THSD7A: variants seen among roughly 807,000 people sequenced by gnomAD.
THSD7A encodes the protein thrombospondin type-1 domain-containing protein 7A.
THSD7A carries 96 observed loss-of-function variants against 231.3 expected under a neutral mutation model. That is an observed-to-expected ratio of 0.41 (90% CI 0.35 to 0.49). THSD7A has a LOEUF of 0.49. Among genes scored for constraint, THSD7A ranks in the 20% least tolerant of loss-of-function variants. THSD7A has a pLI of 0.05. For missense variants in THSD7A, 2,290 were observed against 2,070.2 expected (o/e 1.11, Z -2.06); for synonymous variants, 940 against 743.3 (o/e 1.26, Z -4.30).
chr7:11,460,700 C>T lies in THSD7A; in HGVS notation c.2567G>A (p.Gly856Glu). 1 of 1,612,146 alleles carries T rather than the reference C, an allele frequency of 6.2e-7. No homozygotes were observed. Among genetic ancestry groups the T allele is most frequent in the Non-Finnish European group, 8.5e-7 (1 of 1,179,206 alleles). The change falls in exon 11 of 28, where the codon GGA becomes GAA. Residue 856 changes from glycine (G) to glutamate (E), a missense_variant. Transcript: ENST00000423059. ...CCCAGGCCCACAGCCTTCCTGTGCT[C>T]CAGGGCTGTCTTGTTGCACGCTCCA... The part of the protein sequence containing the change: ...VPWSVQQDSP[G>E]AQEGCGPGRQ...
chr7:11,537,784 T>C (rs1788974145), intron 6 of THSD7A, among the ~76,000 whole-genome samples: 1 of 152,200 alleles, frequency 6.6e-6, no homozygotes, highest in African/African-American at 2.4e-5. Context: ...AAGCCAGTTC[T>C]TTTGATACTT....
chr7:11,718,205 A>C (rs556345593), intron 1 of THSD7A, among the ~76,000 whole-genome samples: 1 of 151,550 alleles, frequency 6.6e-6, no homozygotes, highest in South Asian at 2.1e-4. Context: ...AGAACTAAAA[A>C]CCTCTTGTTT....
At chr7:11,790,039 T>A (rs1200590112) in intron 1 of THSD7A, among the ~76,000 whole-genome samples, 3 of 151,314 alleles carry the variant, frequency 2.0e-5, no homozygotes, top group African/African-American at 7.4e-5. Flanking sequence ...ATATATTTAT[T>A]TCAATATTTA....
intron 6 of THSD7A, among the ~76,000 whole-genome samples, chr7:11,501,806 G>A (rs1442289259): frequency 6.6e-6 from 1 of 151,992 alleles, no homozygotes; most frequent in Non-Finnish European, 1.5e-5. Flanking sequence ...AGGAAATTAA[G>A]ACACAAAAAA....
intron 4 of THSD7A, among the ~76,000 whole-genome samples, chr7:11,548,211 TCA>T (rs1385290985): frequency 6.6e-6 from 1 of 152,008 alleles, no homozygotes; most frequent in African/African-American, 2.4e-5. Flanking sequence ...CAAAATACCC[TCA>T]GAGACTATTA....
intron 13 of THSD7A, among the ~76,000 whole-genome samples, chr7:11,435,072 AT>A (rs1401981333): frequency 6.6e-6 from 1 of 152,050 alleles, no homozygotes; most frequent in Non-Finnish European, 1.5e-5. Flanking sequence ...CTAAGTATTT[AT>A]AAATTTTCAC....
intron 2 of THSD7A, among the ~76,000 whole-genome samples, chr7:11,627,906 T>A (rs143776727): frequency 2.2e-4 from 33 of 152,104 alleles, no homozygotes; most frequent in African/African-American, 6.5e-4. Flanking sequence ...TTATTTTTTA[T>A]ATAAAAAATA....
chr7:11,421,654 A>G (rs143187874), intron 16 of THSD7A, among the ~76,000 whole-genome samples: 203 of 152,340 alleles, frequency 1.3e-3, no homozygotes, highest in African/African-American at 4.6e-3. Context: ...ATAACAGACT[A>G]TATTTATTAA....
chr7:11,756,455 G>A (rs145766498), intron 1 of THSD7A, among the ~76,000 whole-genome samples: 1 of 152,016 alleles, frequency 6.6e-6, no homozygotes, highest in South Asian at 2.1e-4. Flanking sequence ...AGTGGGGAGA[G>A]AAATTCTCTG....
In THSD7A at chr7:11,474,406, G is replaced by A; in HGVS notation, c.2180C>T (p.Ser727Phe). The A allele has an allele frequency of 1.2e-6, 2 of 1,613,620 alleles. No homozygotes were observed. The highest frequency in any genetic ancestry group is 1.7e-6 in the Non-Finnish European group (2 of 1,179,626). Residue 727 changes from serine (S) to phenylalanine (F), a missense_variant, in exon 8 of 28, where the codon TCC becomes TTC. Physicochemically the swap from Ser to Phe is radical, Grantham distance 155. Coordinates refer to ENST00000423059, the MANE Select transcript of THSD7A (RefSeq NM_015204.3). The surrounding 1 kb of genome is among the most constrained non-coding windows in gnomAD (Gnocchi z 4.1). ...NTTTTWNGEASCSVGMQTRKV... is the reference protein window; with the variant it reads ...NTTTTWNGEAFCSVGMQTRKV... ...TCTTGTCTGCATGCCGACAGAGCAGGAGGCCTCCCCATTCCAAGTCGTAGT... is the reference window on the plus strand; with the variant it reads ...TCTTGTCTGCATGCCGACAGAGCAGAAGGCCTCCCCATTCCAAGTCGTAGT...
intron 13 of THSD7A, 81 bp downstream of exon 13, chr7:11,445,980 T>G (rs912923183): frequency 8.5e-6 from 13 of 1,538,056 alleles, no homozygotes; most frequent in Admixed American, 6.8e-5. Context: ...AAACCTTCAC[T>G]TCCATTCCAC....
chr7:11,485,346 C>T (rs1583830293), intron 6 of THSD7A, among the ~76,000 whole-genome samples: 1 of 152,310 alleles, frequency 6.6e-6, no homozygotes, highest in East Asian at 1.9e-4. Context: ...ATCTGGACTT[C>T]ATACCTAATA....
chr7:11,380,019 G>T (rs1332260995), intron 24 of THSD7A, among the ~76,000 whole-genome samples: 1 of 152,142 alleles, frequency 6.6e-6, no homozygotes, highest in African/African-American at 2.4e-5. Flanking sequence ...TTTCTGTCAG[G>T]AGCACATGAA....
rs1306214964 is a variant in THSD7A, at chr7:11,462,081, C to T, written c.2431G>A (p.Gly811Ser). The T allele has an allele frequency of 6.2e-7, 1 of 1,613,766 alleles. No homozygotes were observed. The highest frequency in any genetic ancestry group is 8.5e-7 in the Non-Finnish European group (1 of 1,179,756). The change falls in exon 10 of 28, where the codon GGC becomes AGC. Residue 811 changes from glycine to serine, a missense_variant. Coordinates refer to ENST00000423059, the MANE Select transcript of THSD7A (RefSeq NM_015204.3). ...RVIIQLPANGGRDCTDPLYEE... is the reference protein window; with the variant it reads ...RVIIQLPANGSRDCTDPLYEE... ...TAGAGGGGATCTGTGCAGTCTCGGC[C>T]CCCGTTGGCTGGCAGCTGAATGATG... is the stretch of plus-strand genomic sequence containing the variant.
intron 19 of THSD7A, chr7:11,410,434 C>G (rs1968059): frequency 0.4 from 61,256 of 151,980 alleles, 12,670 homozygotes; most frequent in African/African-American, 0.48. Context: ...ACCACTTCTA[C>G]TCTATTCCAG....
chr7:11,820,622 A>G (rs2128186940), intron 1 of THSD7A: 1 of 744,266 alleles, frequency 1.3e-6, no homozygotes, highest in Non-Finnish European at 2.4e-6. Flanking sequence ...CTTGAAATTG[A>G]AAGTTTCCTC....
intron 1 of THSD7A, among the ~76,000 whole-genome samples, chr7:11,681,083 C>T (rs947747083): frequency 2.4e-4 from 36 of 152,098 alleles, no homozygotes; most frequent in African/African-American, 8.5e-4. Context: ...CCATCATTCT[C>T]AGCAAACTAA....
intron 1 of THSD7A, among the ~76,000 whole-genome samples, chr7:11,682,522 CAAAG>C (rs1290316024): frequency 2.0e-5 from 3 of 152,018 alleles, no homozygotes; most frequent in African/African-American, 4.8e-5. Flanking sequence ...AATAACAAAA[CAAAG>C]AAAGACATTA....
chr7:11,436,857 G>A (rs1289938565), intron 13 of THSD7A, among the ~76,000 whole-genome samples: 7 of 151,958 alleles, frequency 4.6e-5, no homozygotes, highest in Non-Finnish European at 8.8e-5. Flanking sequence ...GGAGGGGAAA[G>A]TGTTATTTGG....
Sources: allele counts gnomAD v4.1 joint callset (sites outside exome capture counted in the v4.1 genomes callset), GRCh38; gene constraint gnomAD v4.1.1; non-coding constraint Gnocchi (gnomAD v3.1); transcripts MANE v1.5; gene names NCBI Gene and HGNC (gene_info 2026-07-23, HGNC 2026-07-21).